FRMD4A: variants seen among roughly 807,000 people sequenced by gnomAD.
The protein encoded by FRMD4A is FERM domain containing 4A.
Under a neutral mutation model 129.1 loss-of-function variants are expected in FRMD4A, and 29 were observed. That is an observed-to-expected ratio of 0.22 (90% CI 0.17 to 0.31). FRMD4A has a LOEUF of 0.31. FRMD4A is among the 10% of genes least tolerant of loss of function. The pLI is 1.00. For synonymous variants in FRMD4A, 634 were observed against 571.6 expected, an observed-to-expected ratio of 1.11 and a Z score of -1.56; for missense variants, 1,272 against 1,375.8, an observed-to-expected ratio of 0.92 and a Z score of 1.19.
chr10:14,219,751 G>A (rs1236822001), intron 2 of FRMD4A, among the ~76,000 whole-genome samples: 3 of 152,190 alleles, frequency 2.0e-5, no homozygotes, highest in Non-Finnish European at 4.4e-5. Context: ...CTGGGAGGCT[G>A]CCTGTGTGCA....
At chr10:13,767,717 G>A (rs1036564525) in intron 6 of FRMD4A, among the ~76,000 whole-genome samples, 1 of 152,170 alleles carries the variant, frequency 6.6e-6, no homozygotes, top group Admixed American at 6.5e-5. Context: ...GAGGCTTGAG[G>A]GTGGCTTCCA....
chr10:14,114,325 C>A (rs1326810225), intron 2 of FRMD4A, among the ~76,000 whole-genome samples: 1 of 152,178 alleles, frequency 6.6e-6, no homozygotes, highest in African/African-American at 2.4e-5. Context: ...TTTGAGCCAG[C>A]TGGGGTCCCA....
chr10:14,244,893 C>G (rs926675901), intron 2 of FRMD4A, among the ~76,000 whole-genome samples: 1 of 152,190 alleles, frequency 6.6e-6, no homozygotes, highest in South Asian at 2.1e-4. Context: ...CCTGCCACCT[C>G]TAAATGGCTA....
chr10:14,136,535 T>C (rs1376280079), intron 2 of FRMD4A, among the ~76,000 whole-genome samples: 2 of 152,108 alleles, frequency 1.3e-5, no homozygotes, highest in Admixed American at 6.6e-5. Context: ...CATAAGTGAC[T>C]ATTCCTCTAC....
At chr10:13,663,703 C>T (rs962036299) in intron 18 of FRMD4A, among the ~76,000 whole-genome samples, 194 bp from the exon 19 acceptor site, 1 of 152,164 alleles carries the variant, frequency 6.6e-6, no homozygotes, top group African/African-American at 2.4e-5. Flanking sequence ...TCAGCCTCCC[C>T]ACCCCGACAC....
chr10:13,768,756 C>T (rs1004171344), intron 6 of FRMD4A, among the ~76,000 whole-genome samples: 1 of 152,138 alleles, frequency 6.6e-6, no homozygotes, highest in African/African-American at 2.4e-5. Flanking sequence ...AACCACCTGA[C>T]CTTGAGTTTG....
chr10:13,877,440 AC>A (rs1764343927), intron 2 of FRMD4A, among the ~76,000 whole-genome samples: 1 of 152,190 alleles, frequency 6.6e-6, no homozygotes, highest in Non-Finnish European at 1.5e-5. Flanking sequence ...TCGGAGCAAG[AC>A]ACATCTGAGA....
chr10:14,298,579 T>C (rs1160816717), intron 2 of FRMD4A, among the ~76,000 whole-genome samples: 1 of 151,654 alleles, frequency 6.6e-6, no homozygotes, highest in African/African-American at 2.4e-5. Context: ...TTATGTGACA[T>C]CTCTCCACTT....
At position 14,280,557 on chromosome 10, in the gene FRMD4A, C is replaced by G. The variant is rs11258992; in HGVS notation, c.45+49501G>C. Among the ~76,000 whole-genome samples the G allele has an allele frequency of 5.2e-3, 786 of 152,264 alleles. 6 individuals are homozygous for G. The highest frequency in any genetic ancestry group is 0.018 in the African/African-American group (751 of 41,536). On this transcript the variant is annotated intron_variant, in intron 2 of 24. Coordinates refer to ENST00000357447, the MANE Select transcript of FRMD4A (RefSeq NM_018027.5). ...TCAATTTTTAAAAATTAAATACAAT[C>G]ATCATTCTCAAACAGATTCCAATGA...
rs2090749360 is a variant in FRMD4A, at chr10:13,738,055, A to G, written c.673-125T>C. 1.2e-5 allele frequency: 8 copies of G among 656,752 alleles called. No individual in the cohort carries two copies. The South Asian group carries it at 1.4e-4, about 11-fold the overall frequency. The allele number at this position is 656,752 out of a possible 1,614,324, so 40.7% of individuals were successfully genotyped here. On this transcript the variant is annotated intron_variant, in intron 11 of 24. Coordinates refer to ENST00000357447, the MANE Select transcript of FRMD4A (RefSeq NM_018027.5). ...CATTTCCTTGGAATGGATGGAGCCC[A>G]CCTGTCTACTTTGTTTCTTAACAGA...
chr10:14,155,808 G>T (rs368733911), intron 2 of FRMD4A, among the ~76,000 whole-genome samples: 11 of 152,224 alleles, frequency 7.2e-5, no homozygotes, highest in African/African-American at 2.6e-4. Flanking sequence ...TTTTCAGAAC[G>T]CAATAAAACA....
intron 2 of FRMD4A, among the ~76,000 whole-genome samples, chr10:14,089,655 C>T (rs1204730514): frequency 7.6e-5 from 8 of 105,064 alleles, no homozygotes; most frequent in Admixed American, 9.6e-5. Context: ...AAAAAAAAAA[C>T]AGAAGAAAGA....
intron 2 of FRMD4A, among the ~76,000 whole-genome samples, chr10:14,029,225 T>C (rs1272521414): frequency 6.6e-6 from 1 of 152,134 alleles, no homozygotes; most frequent in African/African-American, 2.4e-5. Context: ...AACGTTTTAG[T>C]GGTAAGATTC....
intron 2 of FRMD4A, among the ~76,000 whole-genome samples, chr10:14,298,946 A>C (rs548636801): frequency 6.6e-6 from 1 of 152,308 alleles, no homozygotes; most frequent in Non-Finnish European, 1.5e-5. Context: ...TTTGAGATCA[A>C]ATTTTATGGT....
chr10:14,260,965 T>C (rs1468013452), intron 2 of FRMD4A, among the ~76,000 whole-genome samples: 4 of 152,218 alleles, frequency 2.6e-5, no homozygotes, highest in Non-Finnish European at 4.4e-5. Flanking sequence ...CTTAGTTTTT[T>C]CTCTGGTAAA....
In FRMD4A at chr10:14,140,045, C is replaced by T. The variant is rs576741002; in HGVS notation, c.45+190013G>A. Among the ~76,000 whole-genome samples the T allele has an allele frequency of 1.3e-4, 20 of 152,116 alleles. No individual in the cohort carries two copies. In the South Asian group the frequency reaches 3.8e-3, roughly 29 times the overall value. On this transcript the variant is annotated intron_variant, in intron 2 of 24. Transcript: ENST00000357447. ...TCTCTAGGATAGCAGGAGGAAAATG[C>T]ATTTTATTGTACATATTTTATTTTA...
chr10:13,731,475 C>T (rs967247148), intron 12 of FRMD4A, among the ~76,000 whole-genome samples: 29 of 152,032 alleles, frequency 1.9e-4, no homozygotes, highest in African/African-American at 6.5e-4. Flanking sequence ...ATGGTGAAAC[C>T]CCGTCTCTAC....
chr10:14,318,751 C>A (rs908034556), intron 2 of FRMD4A, among the ~76,000 whole-genome samples: 1 of 152,140 alleles, frequency 6.6e-6, no homozygotes, highest in African/African-American at 2.4e-5. Flanking sequence ...AACATAGAAT[C>A]AAGTTACATA....
chr10:14,259,409 T>C (rs1844724010), intron 2 of FRMD4A, among the ~76,000 whole-genome samples: 1 of 152,174 alleles, frequency 6.6e-6, no homozygotes, highest in Admixed American at 6.5e-5. Context: ...ATGATTTTCC[T>C]GTCAGTTCTC....
Sources: gnomAD v4.1 joint callset for allele counts (sites outside exome capture counted in the v4.1 genomes callset) on GRCh38, gnomAD v4.1.1 for gene constraint, MANE v1.5 for transcripts, NCBI Gene and HGNC (gene_info 2026-07-23, HGNC 2026-07-21) for gene names.